Variants in NIBAN1 observed in about 807,000 individuals in gnomAD.
The protein encoded by NIBAN1 is protein Niban 1.
NIBAN1 carries 81 observed loss-of-function variants against 75.1 expected under a neutral mutation model. The observed-to-expected ratio is 1.08, with a 90% CI of 0.90 to 1.30. The LOEUF (loss-of-function observed/expected upper bound fraction) is 1.30. Among genes scored for constraint, NIBAN1 ranks in the 50% most tolerant of loss-of-function variants. NIBAN1 has a pLI of 0.00. For missense variants in NIBAN1, 1,133 were observed against 1,128.1 expected (o/e 1.00, Z -0.06); for synonymous variants, 436 against 424.8 (o/e 1.03, Z -0.32).
At chr1:184,974,260 C>T (rs1262230432) in intron 1 of NIBAN1, 42 bp downstream of exon 1, 5 of 1,479,820 alleles carry the variant, frequency 3.4e-6, no homozygotes, top group African/African-American at 1.5e-5. Context: ...GCCTGGTGCA[C>T]GGGTCAGGGT....
In NIBAN1 at chr1:184,831,958, G is replaced by C; in HGVS notation, c.606C>G (p.Tyr202Ter). The C allele has an allele frequency of 6.2e-7, 1 of 1,611,136 alleles. No individual in the cohort carries two copies. Among genetic ancestry groups the C allele is most frequent in the African/African-American group, 1.3e-5 (1 of 74,940 alleles). Reference protein sequence around the residue: ...SDCVRHLNHDYMKQMTFEAQA... With the variant: ...SDCVRHLNHD The stretch of plus-strand genomic sequence containing the variant: ...GGGCTTCAAATGTCATCTGCTTCAT[G>C]TAATCTAAAGAAAAGAAGAAAGGGC... Residue 202 changes from tyrosine to a stop codon, truncating the protein, a stop_gained, in exon 6 of 14, where the codon TAC becomes TAG. Transcript: ENST00000367511. LOFTEE classifies it high-confidence loss of function.
At chr1:184,842,082 G>A (rs1655301808) in intron 5 of NIBAN1, among the ~76,000 whole-genome samples, 1 of 152,166 alleles carries the variant, frequency 6.6e-6, no homozygotes, top group Non-Finnish European at 1.5e-5. Context: ...AGCACTAGAA[G>A]GGGTGCTGGT....
intron 1 of NIBAN1, among the ~76,000 whole-genome samples, chr1:184,967,422 C>CT (rs1214282747): frequency 1.3e-5 from 2 of 152,004 alleles, no homozygotes; most frequent in African/African-American, 4.8e-5. Context: ...AGTTACCCAG[C>CT]TATACTAAAA....
At chr1:184,866,893 G>T (rs550018343) in intron 5 of NIBAN1, among the ~76,000 whole-genome samples, 8 of 152,180 alleles carry the variant, frequency 5.3e-5, no homozygotes, top group African/African-American at 1.9e-4. Context: ...GGCTTGCAAG[G>T]TATCTATGAA....
chr1:184,913,139 A>ATATATATATATATATATATAT (rs1553227229), intron 1 of NIBAN1, among the ~76,000 whole-genome samples: 4 of 103,010 alleles, frequency 3.9e-5, no homozygotes, highest in African/African-American at 1.2e-4. Context: ...TCATGCAGGT[A>ATATATATATATATATATATAT]TATATATATA....
intron 1 of NIBAN1, among the ~76,000 whole-genome samples, chr1:184,941,338 G>A (rs1177987635): frequency 2.6e-5 from 4 of 152,070 alleles, no homozygotes; most frequent in Non-Finnish European, 5.9e-5. Context: ...CACCTAAAAT[G>A]TCAACACTTT....
intron 1 of NIBAN1, among the ~76,000 whole-genome samples, chr1:184,964,989 T>G (rs547632150): frequency 1.1e-4 from 16 of 152,240 alleles, no homozygotes; most frequent in Admixed American, 3.3e-4. Flanking sequence ...GGCAGCCAGC[T>G]GTTATGTGCC....
chr1:184,796,236 G>T, intron 13 of NIBAN1, 139 bp from the exon 14 acceptor site: 2 of 772,082 alleles, frequency 2.6e-6, no homozygotes, highest in Middle Eastern at 3.9e-4. Flanking sequence ...GATGACCAAA[G>T]TCTATAAACT....
At chr1:184,898,487 G>A (rs977217006) in intron 2 of NIBAN1, among the ~76,000 whole-genome samples, 24 of 151,878 alleles carry the variant, frequency 1.6e-4, no homozygotes, top group Admixed American at 5.9e-4. Context: ...GTGGTGGTGC[G>A]CACCTGTAAT....
At chr1:184,820,448 T>A (rs1654664417) in intron 8 of NIBAN1, among the ~76,000 whole-genome samples, 1 of 152,180 alleles carries the variant, frequency 6.6e-6, no homozygotes, top group South Asian at 2.1e-4. Context: ...TTCCTCTACC[T>A]CTGCTCATAA....
chr1:184,947,541 T>C (rs1471929897), intron 1 of NIBAN1, among the ~76,000 whole-genome samples: 1 of 152,210 alleles, frequency 6.6e-6, no homozygotes, highest in Non-Finnish European at 1.5e-5. Context: ...ATGATAAATA[T>C]GTATATTTTC....
rs940793005 is a variant in NIBAN1 at position 184,914,912 on chromosome 1, C to T, written c.56-15603G>A. 3.3e-5 allele frequency among the ~76,000 whole-genome samples: 5 copies of T among 152,132 alleles called. No homozygotes were observed. In the South Asian group the frequency reaches 6.2e-4, roughly 19 times the overall value. ...TAATTTTTTGTACTTTTAGTAGAGACGGGTTTTCACCATGTTAGCCAGGAT... is the reference window on the plus strand; with the variant it reads ...TAATTTTTTGTACTTTTAGTAGAGATGGGTTTTCACCATGTTAGCCAGGAT... On this transcript the variant is annotated intron_variant, in intron 1 of 13. Transcript: ENST00000367511.
At chr1:184,830,756 C>T (rs1654975326) in intron 6 of NIBAN1, among the ~76,000 whole-genome samples, 1 of 152,022 alleles carries the variant, frequency 6.6e-6, no homozygotes, top group Non-Finnish European at 1.5e-5. Flanking sequence ...AATCCCAGCA[C>T]TTTGGGAGCC....
At chr1:184,919,444 C>A (rs1004380598) in intron 1 of NIBAN1, among the ~76,000 whole-genome samples, 4 of 152,136 alleles carry the variant, frequency 2.6e-5, no homozygotes, top group Admixed American at 2.0e-4. Context: ...TAGATTAAGA[C>A]CATGTTTATA....
intron 5 of NIBAN1, among the ~76,000 whole-genome samples, chr1:184,870,497 G>A (rs767051624): frequency 6.6e-6 from 1 of 152,120 alleles, no homozygotes; most frequent in Non-Finnish European, 1.5e-5. Context: ...AGTTCTGAAC[G>A]TCAGGTTTAG....
chr1:184,919,260 G>A (rs1332701925), intron 1 of NIBAN1, among the ~76,000 whole-genome samples: 2 of 152,220 alleles, frequency 1.3e-5, no homozygotes, highest in Non-Finnish European at 2.9e-5. Context: ...CTGACCTATA[G>A]GTGAATCAAG....
chr1:184,907,220 CA>C (rs11360294), intron 1 of NIBAN1, among the ~76,000 whole-genome samples: 87,914 of 149,294 alleles, frequency 0.59, 27,040 homozygotes, highest in African/African-American at 0.81. Flanking sequence ...TATAAAATTG[CA>C]AAAAAAAAAA....
chr1:184,865,647 G>A (rs976117501), intron 5 of NIBAN1, among the ~76,000 whole-genome samples: 5 of 151,996 alleles, frequency 3.3e-5, no homozygotes, highest in Non-Finnish European at 5.9e-5. Context: ...ATGCTTAATG[G>A]GTCACAGCCA....
chr1:184,804,026 AAACC>A (rs1328137605), intron 11 of NIBAN1, among the ~76,000 whole-genome samples: 4 of 152,220 alleles, frequency 2.6e-5, no homozygotes, highest in African/African-American at 9.6e-5. Context: ...AGGTCCATGG[AAACC>A]ATGATCATCT....
Sources: allele counts gnomAD v4.1 joint callset (sites outside exome capture counted in the v4.1 genomes callset), GRCh38; gene constraint gnomAD v4.1.1; transcripts MANE v1.5; gene names NCBI Gene and HGNC (gene_info 2026-07-23, HGNC 2026-07-21).